CDH18: variants seen among roughly 807,000 people sequenced by gnomAD.
CDH18 encodes cadherin-18.
In CDH18, 31 loss-of-function variants were observed where a neutral mutation model predicts 67.9. That is an observed-to-expected ratio of 0.46 (90% CI 0.34 to 0.62). The LOEUF (loss-of-function observed/expected upper bound fraction) is 0.62, where lower values mean the gene tolerates loss of function less well. CDH18 is among the 20% of genes least tolerant of loss of function. The probability of loss-of-function intolerance (pLI) is 0.01; values close to 1 mark genes in which losing one functional copy is unlikely to be tolerated. For synonymous variants in CDH18, 362 were observed against 347.2 expected (o/e 1.04, Z -0.48); for missense variants, 890 against 975.5 (o/e 0.91, Z 1.17).
chr5:20,143,641 T>A (rs563644604), intron 2 of CDH18, among the ~76,000 whole-genome samples: 68 of 152,246 alleles, frequency 4.5e-4, no homozygotes, highest in Non-Finnish European at 8.8e-4. Context: ...AATGCTTGGA[T>A]TACAGGTGTG....
At chr5:19,941,607 C>A (rs1161782731) in intron 2 of CDH18, among the ~76,000 whole-genome samples, 5 of 151,620 alleles carry the variant, frequency 3.3e-5, no homozygotes, top group African/African-American at 1.2e-4. Flanking sequence ...CATAGCGAGA[C>A]CCCCATCCCT....
intron 5 of CDH18, among the ~76,000 whole-genome samples, chr5:19,656,297 T>C (rs17286179): frequency 0.048 from 7,246 of 152,158 alleles, 229 homozygotes; most frequent in Non-Finnish European, 0.07. Context: ...TCGTGTTTTT[T>C]CTTTAATCAA....
At chr5:20,020,084 G>C (rs1443743788) in intron 2 of CDH18, among the ~76,000 whole-genome samples, 1 of 152,142 alleles carries the variant, frequency 6.6e-6, no homozygotes, top group Non-Finnish European at 1.5e-5. Flanking sequence ...GTGGAACTTT[G>C]AACTTCAGAG....
At chr5:19,804,701 G>A (rs1242367792) in intron 3 of CDH18, among the ~76,000 whole-genome samples, 2 of 152,112 alleles carry the variant, frequency 1.3e-5, no homozygotes, top group Non-Finnish European at 2.9e-5. Context: ...AGCATGTTGA[G>A]AAACATGTAA....
chr5:20,467,848 C>G (rs1279202840), intron 1 of CDH18, among the ~76,000 whole-genome samples: 3 of 152,008 alleles, frequency 2.0e-5, no homozygotes, highest in Non-Finnish European at 4.4e-5. Flanking sequence ...GCGGTGATGG[C>G]TGAAAGTTTT....
chr5:19,481,256 T>G (rs775343206), intron 12 of CDH18, among the ~76,000 whole-genome samples: 1 of 152,168 alleles, frequency 6.6e-6, no homozygotes, highest in African/African-American at 2.4e-5. Context: ...TTGAATGAAG[T>G]GGACTTCCAG....
chr5:20,332,340 A>G (rs913760482), intron 1 of CDH18, among the ~76,000 whole-genome samples: 9 of 152,174 alleles, frequency 5.9e-5, no homozygotes, highest in Non-Finnish European at 1.2e-4. Flanking sequence ...TCTTTTCACA[A>G]TTCTTAAGTG....
At chr5:20,561,702 A>G (rs1758228420) in intron 1 of CDH18, among the ~76,000 whole-genome samples, 1 of 152,148 alleles carries the variant, frequency 6.6e-6, no homozygotes, top group East Asian at 1.9e-4. Flanking sequence ...GTCAAAGCAC[A>G]TAGCATGTAC....
intron 5 of CDH18, among the ~76,000 whole-genome samples, chr5:19,634,407 T>G (rs897695322): frequency 3.3e-5 from 5 of 152,152 alleles, no homozygotes; most frequent in Non-Finnish European, 5.9e-5. Flanking sequence ...GGAAATTACT[T>G]CCCTACGACT....
At chr5:19,621,218 T>TTC (rs1428586917) in intron 5 of CDH18, among the ~76,000 whole-genome samples, 1 of 143,594 alleles carries the variant, frequency 7.0e-6, no homozygotes, top group Admixed American at 6.9e-5. Flanking sequence ...GAACCCAGGT[T>TTC]TTTTTTTTTT....
chr5:19,569,842 A>G (rs758552873), intron 8 of CDH18, among the ~76,000 whole-genome samples: 1 of 152,170 alleles, frequency 6.6e-6, no homozygotes, highest in Non-Finnish European at 1.5e-5. Flanking sequence ...CCCTGATTTG[A>G]TCATATGAAT....
intron 1 of CDH18, among the ~76,000 whole-genome samples, chr5:20,431,391 G>A (rs1748723189): frequency 6.6e-6 from 1 of 151,438 alleles, no homozygotes; most frequent in Non-Finnish European, 1.5e-5. Context: ...TACTTGGGAG[G>A]CTAAGGCAGG....
At position 20,356,719 on chromosome 5, in the gene CDH18, GTCTCTCTCTCTC is replaced by G. The variant is rs199599355; in HGVS notation, c.-579-101226_-579-101215del. Among the ~76,000 whole-genome samples the G allele has an allele frequency of 6.0e-3, 775 of 130,024 alleles. 9 individuals are homozygous for G. Among genetic ancestry groups the G allele is most frequent in the African/African-American group, 0.02 (707 of 35,068 alleles). 85.3% of individuals were successfully genotyped at this position (130,024 alleles called of 152,430 possible). On this transcript the variant is annotated intron_variant, in intron 1 of 14. Transcript: ENST00000507958. ...TACCTAGATATGGATATATACCAAG[GTCTCTCTCTCTC>G]TCTCTCTCTCTCTCTCTCTCTCTAT...
chr5:20,190,434 T>C (rs555158198), intron 2 of CDH18, among the ~76,000 whole-genome samples: 4 of 152,264 alleles, frequency 2.6e-5, no homozygotes, highest in African/African-American at 4.8e-5. Context: ...TAATCCCCGA[T>C]TGATACTCTT....
intron 1 of CDH18, among the ~76,000 whole-genome samples, chr5:20,509,774 T>C (rs1019444035): frequency 3.3e-5 from 5 of 152,170 alleles, no homozygotes; most frequent in Non-Finnish European, 5.9e-5. Context: ...TACCACATTT[T>C]ATTTATCCAA....
intron 2 of CDH18, among the ~76,000 whole-genome samples, chr5:19,897,312 A>C (rs1304948435): frequency 6.6e-6 from 1 of 152,164 alleles, no homozygotes; most frequent in Non-Finnish European, 1.5e-5. Flanking sequence ...TTGTTGCTAA[A>C]CATATAAAAC....
intron 7 of CDH18, among the ~76,000 whole-genome samples, chr5:19,579,796 G>C (rs1337424253): frequency 6.6e-6 from 1 of 151,508 alleles, no homozygotes; most frequent in Non-Finnish European, 1.5e-5. Flanking sequence ...CTCTGATCCT[G>C]ATGTTAATCA....
intron 1 of CDH18, among the ~76,000 whole-genome samples, chr5:20,436,100 C>A (rs1239849298): frequency 6.6e-6 from 1 of 151,948 alleles, no homozygotes; most frequent in African/African-American, 2.4e-5. Context: ...CTTAAATCAC[C>A]TTTCCCTGTC....
intron 3 of CDH18, among the ~76,000 whole-genome samples, chr5:19,811,037 AGGAAAG>A (rs372752334): frequency 5.0e-5 from 7 of 141,144 alleles, no homozygotes; most frequent in Middle Eastern, 3.4e-3. Context: ...AGGAAAGGAA[AGGAAAG>A]GGAAAGGGAA....
Sources: gnomAD v4.1 joint callset for allele counts (sites outside exome capture counted in the v4.1 genomes callset) on GRCh38, gnomAD v4.1.1 for gene constraint, MANE v1.5 for transcripts, NCBI Gene and HGNC (gene_info 2026-07-23, HGNC 2026-07-21) for gene names.